RNF182: variants seen among roughly 807,000 people sequenced by gnomAD.
RNF182 encodes the protein E3 ubiquitin-protein ligase RNF182.
In RNF182, 15 loss-of-function variants were observed where a neutral mutation model predicts 14.4. The ratio of observed to expected loss-of-function variants is 1.04; its 90% CI spans 0.70 to 1.60. RNF182 has a LOEUF of 1.60. Among genes scored for constraint, RNF182 ranks in the 40% most tolerant of loss-of-function variants. The pLI, the probability that RNF182 is intolerant of heterozygous loss-of-function variation, is 0.00. For synonymous variants in RNF182, 128 were observed against 122.9 expected (o/e 1.04, Z -0.27); for missense variants, 268 against 294.8 (o/e 0.91, Z 0.67).
At chr6:13,934,709 A>G (rs1353234524) in intron 1 of RNF182, among the ~76,000 whole-genome samples, 1 of 152,312 alleles carries the variant, frequency 6.6e-6, no homozygotes, top group East Asian at 1.9e-4. Context: ...TAGTTTGTTC[A>G]TTATTCTCCT....
chr6:13,961,904 A>G (rs572279208), intron 1 of RNF182, among the ~76,000 whole-genome samples: 1 of 152,322 alleles, frequency 6.6e-6, no homozygotes, highest in African/African-American at 2.4e-5. Flanking sequence ...TGGTCCTTCA[A>G]GAATGAGTAC....
chr6:13,951,468 A>G (rs75537397), intron 1 of RNF182, among the ~76,000 whole-genome samples: 1,998 of 152,326 alleles, frequency 0.013, 52 homozygotes, highest in African/African-American at 0.046. Context: ...CAGGTGGTCA[A>G]GAACATGCTT....
intron 1 of RNF182, chr6:13,925,365 A>C (rs1260934873): frequency 6.6e-6 from 1 of 152,062 alleles, no homozygotes; most frequent in African/African-American, 2.4e-5. Flanking sequence ...GGGGAAAAAA[A>C]GGTATGAAAG....
intron 1 of RNF182, among the ~76,000 whole-genome samples, chr6:13,946,558 G>A (rs1759446420): frequency 6.6e-6 from 1 of 152,094 alleles, no homozygotes. Context: ...GGTTTGTTAA[G>A]TCCTGGGTCT....
chr6:13,962,127 A>T (rs767228560), intron 1 of RNF182, among the ~76,000 whole-genome samples: 1 of 152,224 alleles, frequency 6.6e-6, no homozygotes, highest in Non-Finnish European at 1.5e-5. Context: ...TGAGGCCAAC[A>T]TATTATTGTT....
At chr6:13,969,280 G>A (rs1338495751) in intron 1 of RNF182, among the ~76,000 whole-genome samples, 1 of 151,932 alleles carries the variant, frequency 6.6e-6, no homozygotes, top group Non-Finnish European at 1.5e-5. Context: ...GTCCTGTCTT[G>A]TCCCTAGCTT....
chr6:13,940,353 C>T (rs899061060), intron 1 of RNF182, among the ~76,000 whole-genome samples: 38 of 152,158 alleles, frequency 2.5e-4, no homozygotes, highest in African/African-American at 9.2e-4. Context: ...ATAAATCCAA[C>T]TGATGTGCTA....
At chr6:13,929,669 C>G (rs1652592938) in intron 1 of RNF182, among the ~76,000 whole-genome samples, 1 of 152,148 alleles carries the variant, frequency 6.6e-6, no homozygotes, top group African/African-American at 2.4e-5. Flanking sequence ...GTACTATTAT[C>G]CCTTTTTTAT....
intron 1 of RNF182, among the ~76,000 whole-genome samples, chr6:13,925,772 A>G (rs143103756): frequency 1.3e-5 from 2 of 152,216 alleles, no homozygotes; most frequent in East Asian, 3.9e-4. Context: ...AGGCAATCCA[A>G]AGCACCTCTG....
chr6:13,931,889 G>T (rs1326376396), intron 1 of RNF182, among the ~76,000 whole-genome samples: 3 of 152,116 alleles, frequency 2.0e-5, no homozygotes, highest in Admixed American at 1.3e-4. Flanking sequence ...AGGCCATGAG[G>T]GTGGAGCCCT....
At chr6:13,934,777 A>G (rs2113585233) in intron 1 of RNF182, among the ~76,000 whole-genome samples, 1 of 134,700 alleles carries the variant, frequency 7.4e-6, no homozygotes. Flanking sequence ...GATAAATAAA[A>G]TTGAGATAAT....
intron 1 of RNF182, among the ~76,000 whole-genome samples, chr6:13,966,728 A>C (rs1760038007): frequency 6.6e-6 from 1 of 151,444 alleles, no homozygotes; most frequent in South Asian, 2.1e-4. Flanking sequence ...ATGCCACTGC[A>C]CTCCAGCCTG....
intron 1 of RNF182, chr6:13,949,470 G>C: frequency 1.6e-6 from 1 of 628,718 alleles, no homozygotes; most frequent in Admixed American, 2.7e-5. Flanking sequence ...TGGTTGACGA[G>C]AAAGGCTGGT....
intron 1 of RNF182, among the ~76,000 whole-genome samples, chr6:13,927,291 A>G (rs1042170797): frequency 6.6e-6 from 1 of 152,196 alleles, no homozygotes; most frequent in African/African-American, 2.4e-5. Context: ...GATATCTGCA[A>G]TATGTCCTTA....
intron 1 of RNF182, chr6:13,949,671 G>A (rs891879309): frequency 1.0e-5 from 3 of 290,856 alleles, no homozygotes; most frequent in African/African-American, 6.7e-5. Flanking sequence ...GTATAGATCA[G>A]AAGTTTTACT....
intron 1 of RNF182, among the ~76,000 whole-genome samples, chr6:13,959,195 G>T (rs1029069996): frequency 6.6e-6 from 1 of 152,140 alleles, no homozygotes; most frequent in Non-Finnish European, 1.5e-5. Context: ...ACAGACTAAG[G>T]CAAGATCTCT....
intron 1 of RNF182, among the ~76,000 whole-genome samples, chr6:13,951,300 G>A (rs1051204104): frequency 5.3e-5 from 8 of 152,160 alleles, no homozygotes; most frequent in Non-Finnish European, 8.8e-5. Context: ...GCAGTTTCTA[G>A]GGCCTAATAA....
intron 1 of RNF182, among the ~76,000 whole-genome samples, chr6:13,952,070 G>C (rs1759608222): frequency 6.6e-6 from 1 of 152,148 alleles, no homozygotes; most frequent in Non-Finnish European, 1.5e-5. Context: ...AAAGCAGACA[G>C]TTGCCCTGCA....
intron 1 of RNF182, among the ~76,000 whole-genome samples, chr6:13,951,336 G>C (rs1281581980): frequency 2.0e-5 from 3 of 152,208 alleles, no homozygotes; most frequent in African/African-American, 7.2e-5. Flanking sequence ...AGGCAAAACA[G>C]ATCCTCCAAA....
Sources: allele counts gnomAD v4.1 joint callset (sites outside exome capture counted in the v4.1 genomes callset), GRCh38; gene constraint gnomAD v4.1.1; transcripts MANE v1.5; gene names NCBI Gene and HGNC (gene_info 2026-07-23, HGNC 2026-07-21).